Variants in CYLC1 observed in about 807,000 individuals in gnomAD.
CYLC1 encodes the protein cylicin-1.
In CYLC1, 2 loss-of-function variants were observed where a neutral mutation model predicts 31.6. That is an observed-to-expected ratio of 0.06 (90% CI 0.03 to 0.20). The LOEUF is 0.20. CYLC1 is among the 10% of genes least tolerant of loss of function. CYLC1 has a pLI of 1.00. For synonymous variants in CYLC1, 185 were observed against 153.0 expected (o/e 1.21, Z -1.54); for missense variants, 595 against 424.1 (o/e 1.40, Z -3.54).
At position 83,861,208 on chromosome X, in the gene CYLC1, T is replaced by TCC. The variant is rs2031504872; in HGVS notation, c.17+10_17+11insCC. 1 of 1,175,743 alleles carries TCC rather than the reference T, an allele frequency of 8.5e-7. No homozygotes were observed. Among genetic ancestry groups the TCC allele is most frequent in the Admixed American group, 2.2e-5 (1 of 44,863 alleles). On this transcript the variant is annotated intron_variant, in intron 1 of 4. Coordinates refer to ENST00000329312, the MANE Select transcript of CYLC1 (RefSeq NM_021118.3). ...ATGTCTCTTCCAAGGTTGTAAGTCCTCTTTTTAATATTTTTTTAGTATTTT... is the reference window on the plus strand; with the variant it reads ...ATGTCTCTTCCAAGGTTGTAAGTCCTCCCTTTTTAATATTTTTTTAGTATTTT...
At chrX:83,885,491 T>C (rs1032236165) in intron 4 of CYLC1, among the ~76,000 whole-genome samples, 68 of 109,417 alleles carry the variant, frequency 6.2e-4, no homozygotes, top group African/African-American at 2.1e-3. Flanking sequence ...AAATCTTATG[T>C]ATATTAACTA....
At chrX:83,877,002 G>A (rs2031770742) in intron 4 of CYLC1, among the ~76,000 whole-genome samples, 1 of 110,691 alleles carries the variant, frequency 9.0e-6, no homozygotes, top group Admixed American at 9.7e-5. Flanking sequence ...CTCCACTATA[G>A]TATCTACTGG....
chrX:83,866,285 G>A (rs1283213483), intron 1 of CYLC1, among the ~76,000 whole-genome samples: 1 of 111,426 alleles, frequency 9.0e-6, no homozygotes, highest in African/African-American at 3.3e-5. Flanking sequence ...GGAATCATTG[G>A]CCTCAAGCAA....
chrX:83,873,454 T>A lies in CYLC1; in HGVS notation c.746T>A (p.Met249Lys), dbSNP rs769955337. 1.7e-6 allele frequency: 2 copies of A among 1,199,727 alleles called. No homozygotes were observed. The highest frequency in any genetic ancestry group is 2.3e-6 in the Non-Finnish European group (2 of 888,560). ...SENSLNVDFL[M>K]LVGQSDDESI... is the part of the protein sequence containing the mutation. ...AATAGTTTAAATGTTGATTTCCTCA[T>A]GTTAGTGGGACAGTCTGATGATGAA... is the stretch of plus-strand genomic sequence containing the variant. The change falls in exon 4 of 5, where the codon ATG becomes AAG. Residue 249 changes from methionine to lysine, a missense_variant. Physicochemically the swap from Met to Lys is moderately conservative, Grantham distance 95. Coordinates refer to ENST00000329312, the MANE Select transcript of CYLC1 (RefSeq NM_021118.3).
chrX:83,885,208 A>G (rs1433071421), intron 4 of CYLC1, among the ~76,000 whole-genome samples: 1 of 110,939 alleles, frequency 9.0e-6, no homozygotes, highest in Non-Finnish European at 1.9e-5. Context: ...ATTTAAGGAT[A>G]AAACAAGCCA....
At chrX:83,878,454 AATATATATAAAT>A (rs1299568008) in intron 4 of CYLC1, among the ~76,000 whole-genome samples, 2 of 32,462 alleles carry the variant, frequency 6.2e-5, no homozygotes, top group Non-Finnish European at 1.1e-4. Context: ...AATATATATA[AATATATATAAAT>A]ATATATATAA....
intron 4 of CYLC1, among the ~76,000 whole-genome samples, chrX:83,876,353 C>T (rs1255260740): frequency 1.8e-5 from 2 of 110,557 alleles, no homozygotes; most frequent in Admixed American, 9.8e-5. Context: ...TAAAAGTACA[C>T]TGGGGAATAA....
intron 1 of CYLC1, among the ~76,000 whole-genome samples, chrX:83,868,802 T>C (rs2031625585): frequency 9.0e-6 from 1 of 111,213 alleles, no homozygotes; most frequent in South Asian, 3.7e-4. Flanking sequence ...TAAAATAACT[T>C]GGTATATTAA....
At chrX:83,878,105 AATATATATATTTGTATATAAATATAT>A (rs1569335694) in intron 4 of CYLC1, among the ~76,000 whole-genome samples, 39 of 54,344 alleles carry the variant, frequency 7.2e-4, no homozygotes, top group Non-Finnish European at 9.8e-4. Context: ...TATAAATATA[AATATATATATTTGTATATAAATATAT>A]ATATAAAAAT....
chrX:83,879,077 T>C (rs1208068702), intron 4 of CYLC1, among the ~76,000 whole-genome samples: 1 of 110,728 alleles, frequency 9.0e-6, no homozygotes, highest in Admixed American at 9.8e-5. Context: ...TGAAGAATTC[T>C]TTATATTCCA....
intron 1 of CYLC1, among the ~76,000 whole-genome samples, chrX:83,865,866 G>C (rs2031585748): frequency 9.0e-6 from 1 of 111,571 alleles, no homozygotes; most frequent in African/African-American, 3.3e-5. Flanking sequence ...TGTACGGTAA[G>C]ATTCAAAACT....
In CYLC1 at chrX:83,862,860, T is replaced by A. The variant is rs188836635; in HGVS notation, c.17+1661T>A. 9.8e-5 allele frequency among the ~76,000 whole-genome samples: 11 copies of A among 111,876 alleles called. No homozygotes were observed. The East Asian group carries it at 2.6e-3, about 26-fold the overall frequency. ...CAAATTCATTGCTTTTCCTGCAGCC[T>A]TCAAGAGGGGGTGATGTTTTCCTTC... On this transcript the variant is annotated intron_variant, in intron 1 of 4. Transcript: ENST00000329312.
chrX:83,874,449 A>C lies in CYLC1; in HGVS notation c.1741A>C (p.Met581Leu). ...ACTGGAATCAAAGAGAGGATTCAGA[A>C]TGTCATCCAAAAAGACTACATTCAA... ...EGLESKRGFR[M>L]SSKKTTFNEK... The change falls in exon 4 of 5, where the codon ATG becomes CTG. Residue 581 changes from methionine (M) to leucine (L), a missense_variant. Transcript: ENST00000329312. 3 of 1,209,819 alleles carry C rather than the reference A, an allele frequency of 2.5e-6. No homozygotes were observed. The highest frequency in any genetic ancestry group is 3.4e-6 in the Non-Finnish European group (3 of 894,490).
chrX:83,863,098 A>T (rs150380891), intron 1 of CYLC1, among the ~76,000 whole-genome samples: 1,222 of 111,524 alleles, frequency 0.011, 11 homozygotes, highest in African/African-American at 0.037. Context: ...TCTGGCTATC[A>T]CTTTCTCCAA....
chrX:83,873,842 G>A lies in CYLC1; in HGVS notation c.1134G>A (p.Lys378=). The change falls in exon 4 of 5, where the codon AAG becomes AAA. Residue 378 remains lysine, a synonymous_variant. Transcript: ENST00000329312. Reference sequence around the variant, plus strand: ...CTGATACTGAATCAGGAGATGCAAAGGATGCAAGAAATGATTCAAGAAATT... The same window carrying A: ...CTGATACTGAATCAGGAGATGCAAAAGATGCAAGAAATGATTCAAGAAATT... ...ESTDTESGDA[K]DARNDSRNLK... The A allele has an allele frequency of 8.4e-7, 1 of 1,190,749 alleles. No homozygotes were observed. The highest frequency in any genetic ancestry group is 1.1e-6 in the Non-Finnish European group (1 of 879,566).
chrX:83,874,539 G>A lies in CYLC1; in HGVS notation c.1831G>A (p.Ala611Thr). The stretch of plus-strand genomic sequence containing the variant: ...ATCAAGAGAAAAACCACCACTCCCT[G>A]CTTGTGAGCCTTCTCTACCATCACC... Reference protein sequence around the residue: ...PPSREKPPLPACEPSLPSPKV... With the variant: ...PPSREKPPLPTCEPSLPSPKV... The change falls in exon 4 of 5, where the codon GCT (alanine) becomes ACT (threonine). Residue 611 changes from alanine (A) to threonine (T), a missense_variant. Coordinates refer to ENST00000329312, the MANE Select transcript of CYLC1 (RefSeq NM_021118.3). 3.3e-6 allele frequency: 4 copies of A among 1,210,227 alleles called. No individual in the cohort carries two copies. Among genetic ancestry groups the A allele is most frequent in the Non-Finnish European group, 4.5e-6 (4 of 894,790 alleles).
chrX:83,876,679 A>G (rs2031763705), intron 4 of CYLC1, among the ~76,000 whole-genome samples: 1 of 110,380 alleles, frequency 9.1e-6, no homozygotes. Context: ...ATCTTATTTC[A>G]TAATTCAACA....
intron 4 of CYLC1, among the ~76,000 whole-genome samples, chrX:83,885,243 T>C (rs1196230644): frequency 9.1e-6 from 1 of 110,224 alleles, no homozygotes; most frequent in East Asian, 2.8e-4. Context: ...TTATTTGGGA[T>C]ACATAATGAT....
chrX:83,862,057 C>T (rs1281557394), intron 1 of CYLC1, among the ~76,000 whole-genome samples: 5 of 111,050 alleles, frequency 4.5e-5, no homozygotes, highest in South Asian at 3.7e-4. Context: ...TGCACAAATT[C>T]GAAATAAAAA....
Sources: gnomAD v4.1 joint callset for allele counts (sites outside exome capture counted in the v4.1 genomes callset) on GRCh38, gnomAD v4.1.1 for gene constraint, MANE v1.5 for transcripts, NCBI Gene and HGNC (gene_info 2026-07-23, HGNC 2026-07-21) for gene names.